Variants in MAP3K9 observed in about 807,000 individuals in gnomAD.
MAP3K9 encodes mixed lineage kinase 1 (tyr and ser/thr specificity).
A neutral mutation model predicts 95.8 loss-of-function variants in MAP3K9; 46 were observed. The ratio of observed to expected loss-of-function variants is 0.48; its 90% CI spans 0.38 to 0.61. The LOEUF (loss-of-function observed/expected upper bound fraction) is 0.61. Ranked by LOEUF, MAP3K9 falls within the 20% of genes least tolerant of loss-of-function variation. The pLI, the probability that MAP3K9 is intolerant of heterozygous loss-of-function variation, is 0.00. For synonymous variants in MAP3K9, 533 were observed against 593.8 expected, an observed-to-expected ratio of 0.90 and a Z score of 1.49; for missense variants, 1,296 against 1,474.3, an observed-to-expected ratio of 0.88 and a Z score of 1.98.
intron 2 of MAP3K9, among the ~76,000 whole-genome samples, chr14:70,784,782 G>C (rs2054727026): frequency 6.6e-6 from 1 of 152,184 alleles, no homozygotes; most frequent in Admixed American, 6.5e-5. Context: ...TTTTGGAGGG[G>C]CCCTGGGGAA....
Position 70,729,508 on chromosome 14 carries a change from C to G in MAP3K9, c.*872G>C, listed in dbSNP as rs919230070. Reference sequence around the variant, plus strand: ...TTAGAACTGGCACCAGTGAGTGAGTCCCCCAAGAAACTATTCCTGGGATGA... The same window carrying G: ...TTAGAACTGGCACCAGTGAGTGAGTGCCCCAAGAAACTATTCCTGGGATGA... On this transcript the variant is annotated 3_prime_UTR_variant, in exon 12 of 12. Transcript: ENST00000554752. 3 of 152,200 alleles carry G rather than the reference C, an allele frequency of 2.0e-5. No homozygotes were observed. Among genetic ancestry groups the G allele is most frequent in the Non-Finnish European group, 2.9e-5 (2 of 68,062 alleles). The allele number at this position is 152,200 out of a possible 1,614,324, so 9.4% of individuals were successfully genotyped here. A position where few individuals can be genotyped will look rare whatever the true frequency, so the allele number is the denominator to read the frequency against.
At chr14:70,733,502 C>T in intron 10 of MAP3K9, 160 bp from the exon 11 acceptor site, 1 of 603,906 alleles carries the variant, frequency 1.7e-6, no homozygotes. Context: ...AACACTGAAC[C>T]AAGGGGGCTT....
intron 3 of MAP3K9, among the ~76,000 whole-genome samples, chr14:70,755,235 G>A (rs1266979494): frequency 2.0e-5 from 3 of 152,210 alleles, no homozygotes; most frequent in African/African-American, 7.2e-5. Flanking sequence ...TTGGGAAACA[G>A]CTTTGTACCA....
chr14:70,780,899 G>T (rs1285814549), intron 2 of MAP3K9, among the ~76,000 whole-genome samples: 2 of 152,242 alleles, frequency 1.3e-5, no homozygotes, highest in African/African-American at 4.8e-5. Flanking sequence ...ACAGAAAGCA[G>T]TTCTTTCTTG....
chr14:70,752,051 C>G (rs894337664), intron 3 of MAP3K9, among the ~76,000 whole-genome samples: 11 of 152,182 alleles, frequency 7.2e-5, no homozygotes, highest in African/African-American at 2.2e-4. Context: ...CAGATGACGG[C>G]TTTACCCCAG....
At position 70,748,897 on chromosome 14, in the gene MAP3K9, G is replaced by A. The variant is rs2054187492; in HGVS notation, c.1258C>T (p.His420Tyr). ...GFFEMPKDSFHCLQDNWKHEI... is the reference protein window; with the variant it reads ...GFFEMPKDSFYCLQDNWKHEI... ...TGTTTCCAGTTGTCCTGCAGGCAGT[G>A]GAAGGAGTCCTTGGGCATTTCAAAG... The change falls in exon 5 of 12, where the codon CAC becomes TAC. Residue 420 changes from histidine (H) to tyrosine (Y), a missense_variant. This residue lies in a region of MAP3K9 where 136 missense variants were observed against 221.5 expected (regional missense o/e 0.61). Transcript: ENST00000554752. 6.2e-7 allele frequency: 1 copy of A among 1,614,072 alleles called. No homozygotes were observed.
intron 2 of MAP3K9, among the ~76,000 whole-genome samples, chr14:70,785,284 C>T (rs2054732359): frequency 6.6e-6 from 1 of 152,188 alleles, no homozygotes; most frequent in East Asian, 1.9e-4. Flanking sequence ...TTACAGGAGT[C>T]CCTCCTTATC....
Position 70,758,301 on chromosome 14 carries a change from C to A in MAP3K9, c.1001+2701G>T, listed in dbSNP as rs573105793. On this transcript the variant is annotated intron_variant, in intron 3 of 11. Coordinates refer to ENST00000554752, the MANE Select transcript of MAP3K9 (RefSeq NM_001284230.2). Reference sequence around the variant, plus strand: ...TGAAAAGATACTCAACATCATAAGTCATTTAGTGAAATGCAAATCAAAATC... The same window carrying A: ...TGAAAAGATACTCAACATCATAAGTAATTTAGTGAAATGCAAATCAAAATC... 3.3e-5 allele frequency among the ~76,000 whole-genome samples: 5 copies of A among 152,180 alleles called. No homozygotes were observed. The South Asian group carries it at 1.0e-3, about 32-fold the overall frequency.
chr14:70,789,057 A>G (rs1327988018), intron 2 of MAP3K9, among the ~76,000 whole-genome samples: 1 of 152,238 alleles, frequency 6.6e-6, no homozygotes, highest in Non-Finnish European at 1.5e-5. Context: ...CTGAGAGTCC[A>G]GCAGAGCCAT....
At chr14:70,746,883 C>A (rs1217319990) in intron 5 of MAP3K9, among the ~76,000 whole-genome samples, 1 of 151,940 alleles carries the variant, frequency 6.6e-6, no homozygotes, top group African/African-American at 2.4e-5. Context: ...ATGCAGCAAT[C>A]AAAAAAACAA....
intron 5 of MAP3K9, among the ~76,000 whole-genome samples, chr14:70,748,122 GGTA>G (rs2054175431): frequency 5.7e-5 from 3 of 52,398 alleles, no homozygotes; most frequent in Non-Finnish European, 1.3e-4. Context: ...AAAAAAAAAT[GGTA>G]AAAGAAATTA....
At chr14:70,801,291 G>C (rs1347930183) in intron 1 of MAP3K9, among the ~76,000 whole-genome samples, 3 of 152,060 alleles carry the variant, frequency 2.0e-5, no homozygotes, top group Admixed American at 6.5e-5. Flanking sequence ...CACATGGTAG[G>C]CATTCTATAA....
chr14:70,730,254 A>T lies in MAP3K9; in HGVS notation c.*126T>A. 7.3e-7 allele frequency: 1 copy of T among 1,375,266 alleles called. No individual in the cohort carries two copies. The highest frequency in any genetic ancestry group is 9.8e-7 in the Non-Finnish European group (1 of 1,018,838). 85.2% of individuals were successfully genotyped at this position (1,375,266 alleles called of 1,614,324 possible). ...CCTGTTTCCATCCCTTCCATCTTCAAAGTGCATTATCAGTGCAAGAAGTAG... is the reference window on the plus strand; with the variant it reads ...CCTGTTTCCATCCCTTCCATCTTCATAGTGCATTATCAGTGCAAGAAGTAG... On this transcript the variant is annotated 3_prime_UTR_variant, in exon 12 of 12. Transcript: ENST00000554752.
In MAP3K9 at chr14:70,779,990, G is replaced by C. The variant is rs181804790; in HGVS notation, c.821-18808C>G. 9.2e-5 allele frequency among the ~76,000 whole-genome samples: 14 copies of C among 152,346 alleles called. No individual in the cohort carries two copies. The East Asian group carries it at 2.7e-3, about 29-fold the overall frequency. On this transcript the variant is annotated intron_variant, in intron 2 of 11. Coordinates refer to ENST00000554752, the MANE Select transcript of MAP3K9 (RefSeq NM_001284230.2). ...GGCTGGCTAGTGTCTTGATCCTTCA[G>C]ACAGGCACCCAGGCCTTATGCAAAG...
At chr14:70,782,143 G>A (rs2054685985) in intron 2 of MAP3K9, among the ~76,000 whole-genome samples, 3 of 152,198 alleles carry the variant, frequency 2.0e-5, no homozygotes, top group Middle Eastern at 3.4e-3. Flanking sequence ...ATCTTGACAC[G>A]CTGCCCCCTA....
chr14:70,730,385 A>G lies in MAP3K9; in HGVS notation c.3310T>C (p.Ser1104Pro), dbSNP rs757301027. The G allele has an allele frequency of 2.7e-5, 43 of 1,603,654 alleles. No homozygotes were observed. Among genetic ancestry groups the G allele is most frequent in the Non-Finnish European group, 3.5e-5 (41 of 1,171,654 alleles). The change falls in exon 12 of 12, where the codon TCT (serine) becomes CCT (proline). Residue 1104 changes from serine to proline, a missense_variant. This residue lies in a region of MAP3K9 where 433 missense variants were observed against 441.4 expected (regional missense o/e 0.98). Transcript: ENST00000554752. ...APYEIQQEFW[S>P] ...CCGCCCCAATCCTTTTCGTGCTAAG[A>G]CCAGAACTCCTGCTGGATCTCATAA...
intron 11 of MAP3K9, among the ~76,000 whole-genome samples, 156 bp from the exon 12 acceptor site, chr14:70,731,020 T>C (rs967557117): frequency 2.0e-5 from 3 of 150,046 alleles, no homozygotes; most frequent in Non-Finnish European, 4.4e-5. Flanking sequence ...GCACTGGGGA[T>C]ACAGTAGTGA....
At chr14:70,797,639 G>A (rs1264297592) in intron 2 of MAP3K9, among the ~76,000 whole-genome samples, 2 of 152,096 alleles carry the variant, frequency 1.3e-5, no homozygotes, top group Admixed American at 6.5e-5. Context: ...TCAGGAGGCC[G>A]AGGCAGGAGA....
At position 70,742,409 on chromosome 14, in the gene MAP3K9, G is replaced by A. The variant is rs138522650; in HGVS notation, c.1509C>T (p.Gly503=). The A allele has an allele frequency of 6.2e-7, 1 of 1,614,054 alleles. No homozygotes were observed. Among genetic ancestry groups the A allele is most frequent in the African/African-American group, 1.3e-5 (1 of 74,900 alleles). Residue 503 remains glycine, a synonymous_variant, in exon 6 of 12, where the codon GGC becomes GGT. Transcript: ENST00000554752. The stretch of plus-strand genomic sequence containing the variant: ...GCTTCAGCCGGCTCTTCCTGAACTT[G>A]CCCTTGCGTTTCTTCACCCGGGGCT... ...QEKPRVKKRK[G]KFRKSRLKLK...
Sources: gnomAD v4.1 joint callset for allele counts (sites outside exome capture counted in the v4.1 genomes callset) on GRCh38, gnomAD v4.1.1 for gene constraint, gnomAD v4.1.1 regional missense constraint, MANE v1.5 for transcripts, NCBI Gene and HGNC (gene_info 2026-07-23, HGNC 2026-07-21) for gene names.